The following NFE2L3 variants were observed in gnomAD, a reference collection of about 807,000 sequenced individuals.
The protein encoded by NFE2L3 is NFE2 like bZIP transcription factor 3, also known as nuclear factor erythroid 2-related factor 3.
NFE2L3 carries 18 observed loss-of-function variants against 23.5 expected under a neutral mutation model. The observed-to-expected ratio is 0.77, with a 90% CI of 0.53 to 1.13. The LOEUF is 1.13. NFE2L3 is among the 50% of genes most tolerant of loss of function. The pLI, the probability that NFE2L3 is intolerant of heterozygous loss-of-function variation, is 0.00. For synonymous variants in NFE2L3, 424 were observed against 354.5 expected (o/e 1.20, Z -2.20); for missense variants, 1,152 against 877.2 (o/e 1.31, Z -3.96).
Position 26,177,934 on chromosome 7 carries a change from C to CTT in NFE2L3, c.571-6_571-5dup. The CTT allele has an allele frequency of 6.2e-7, 1 of 1,605,034 alleles. No individual in the cohort carries two copies. Among genetic ancestry groups the CTT allele is most frequent in the South Asian group, 1.1e-5 (1 of 89,348 alleles). ...TTTGCTTATTTGATGAAATTTCGTA[C>CTT]TTTTATAGGAGAATGGGGTACTAAG... On this transcript the variant is annotated splice_polypyrimidine_tract_variant and intron_variant, in intron 1 of 3. Transcript: ENST00000056233.
At chr7:26,180,221 TGAG>T (rs1784482050) in intron 2 of NFE2L3, among the ~76,000 whole-genome samples, 1 of 152,170 alleles carries the variant, frequency 6.6e-6, no homozygotes, top group Non-Finnish European at 1.5e-5. Context: ...GTGGTCTCCT[TGAG>T]GCCCTTTTTG....
Position 26,152,749 on chromosome 7 carries a change from C to A in NFE2L3, c.251C>A (p.Ala84Asp). 1 of 1,471,844 alleles carries A rather than the reference C, an allele frequency of 6.8e-7. No individual in the cohort carries two copies. Among genetic ancestry groups the A allele is most frequent in the South Asian group, 1.3e-5 (1 of 76,196 alleles). 91.2% of individuals were successfully genotyped at this position (1,471,844 alleles called of 1,614,324 possible). A position where few individuals can be genotyped will look rare whatever the true frequency, so the allele number is the denominator to read the frequency against. ...CCCAAGGGCCGGGAGCTGGACCCTGCCGCGCCGCCCGAGGGCCAGCTGCTC... is the reference window on the plus strand; with the variant it reads ...CCCAAGGGCCGGGAGCTGGACCCTGACGCGCCGCCCGAGGGCCAGCTGCTC... ...LHPKGRELDPAAPPEGQLLRE... is the reference protein window; with the variant it reads ...LHPKGRELDPDAPPEGQLLRE... The change falls in exon 1 of 4, where the codon GCC becomes GAC. Residue 84 changes from alanine to aspartate, a missense_variant. By Grantham distance (126) the Ala-to-Asp change is moderately radical. Transcript: ENST00000056233. This position sits in a 1 kb window ranked among gnomAD's most constrained non-coding sequence, Gnocchi z 4.4.
At chr7:26,154,491 C>T (rs957518826) in intron 1 of NFE2L3, among the ~76,000 whole-genome samples, 1 of 152,186 alleles carries the variant, frequency 6.6e-6, no homozygotes, top group Admixed American at 6.5e-5. Context: ...CTGTTCAGTC[C>T]TCGGAAACTT....
At chr7:26,184,344 G>A (rs1252971666) in intron 3 of NFE2L3, 189 bp from the exon 4 acceptor site, 1 of 546,658 alleles carries the variant, frequency 1.8e-6, no homozygotes, top group African/African-American at 1.9e-5. Context: ...CAGAATTCCA[G>A]GTATTCTGAT....
chr7:26,180,525 T>G (rs1436339536), intron 2 of NFE2L3, among the ~76,000 whole-genome samples: 1 of 152,232 alleles, frequency 6.6e-6, no homozygotes, highest in African/African-American at 2.4e-5. Flanking sequence ...GAACCATATA[T>G]ATGTTGAAGA....
chr7:26,170,368 T>C lies in NFE2L3; in HGVS notation c.571-7575T>C, dbSNP rs1487549875. Among the ~76,000 whole-genome samples, 4 of 152,200 alleles carry C rather than the reference T, an allele frequency of 2.6e-5. 1 individual carries two copies. The highest frequency in any genetic ancestry group is 7.2e-5 in the African/African-American group (3 of 41,446). ...ATCTGTCCCCACCTCAGTCCAGAGT[T>C]GTGCCCCTACTATCTTCATATTCAC... On this transcript the variant is annotated intron_variant, in intron 1 of 3. Coordinates refer to ENST00000056233, the MANE Select transcript of NFE2L3 (RefSeq NM_004289.7).
chr7:26,177,588 C>T (rs1784436946), intron 1 of NFE2L3, among the ~76,000 whole-genome samples: 1 of 152,022 alleles, frequency 6.6e-6, no homozygotes, highest in Non-Finnish European at 1.5e-5. Flanking sequence ...TGGAGGGAGA[C>T]CGTCGAAAGG....
chr7:26,170,770 C>A (rs1481777956), intron 1 of NFE2L3, among the ~76,000 whole-genome samples: 1 of 152,188 alleles, frequency 6.6e-6, no homozygotes, highest in Admixed American at 6.5e-5. Flanking sequence ...AAAAGCACAT[C>A]AGAGAAGACC....
chr7:26,174,383 T>G (rs1384626087), intron 1 of NFE2L3: 1 of 152,142 alleles, frequency 6.6e-6, no homozygotes, highest in Non-Finnish European at 1.5e-5. Context: ...GAGGGGTTTT[T>G]AAAGGTGGGG....
In NFE2L3 at chr7:26,186,887, T is replaced by A; in HGVS notation, c.*1104T>A. On this transcript the variant is annotated 3_prime_UTR_variant, in exon 4 of 4. Transcript: ENST00000056233. ...GTTCACTAGAACAGTAAACAGGAGA[T>A]TGCTGAATTTTTTGAAGACAGCAAT... The A allele has an allele frequency of 6.6e-6, 1 of 152,178 alleles. No homozygotes were observed. The highest frequency in any genetic ancestry group is 1.9e-4 in the East Asian group (1 of 5,198). 9.4% of individuals were successfully genotyped at this position (152,178 alleles called of 1,614,324 possible). A position where few individuals can be genotyped will look rare whatever the true frequency, so the allele number is the denominator to read the frequency against.
intron 1 of NFE2L3, among the ~76,000 whole-genome samples, chr7:26,177,322 T>G (rs563075223): frequency 2.0e-5 from 3 of 152,208 alleles, no homozygotes; most frequent in Admixed American, 6.5e-5. Flanking sequence ...GAGCATTGAG[T>G]GAGCGAGACT....
intron 1 of NFE2L3, among the ~76,000 whole-genome samples, chr7:26,177,615 AG>A (rs1201988091): frequency 1.3e-5 from 2 of 151,652 alleles, no homozygotes; most frequent in Non-Finnish European, 2.9e-5. Context: ...GGAGGGAGGA[AG>A]GGAGGAAGGA....
intron 1 of NFE2L3, among the ~76,000 whole-genome samples, chr7:26,157,371 G>A (rs1211299943): frequency 6.6e-6 from 1 of 151,422 alleles, no homozygotes; most frequent in East Asian, 1.9e-4. Context: ...TAGAAATAAG[G>A]TCTCTCTGTG....
At position 26,184,638 on chromosome 7, in the gene NFE2L3, AATCTTCATGAGGCC is replaced by A; in HGVS notation, c.946_959del (p.His316AlafsTer8). The A allele has an allele frequency of 6.2e-7, 1 of 1,613,938 alleles. No homozygotes were observed. Among genetic ancestry groups the A allele is most frequent in the African/African-American group, 1.3e-5 (1 of 75,046 alleles). On this transcript the variant is annotated frameshift_variant, in exon 4 of 4. Coordinates refer to ENST00000056233, the MANE Select transcript of NFE2L3 (RefSeq NM_004289.7). LOFTEE classifies it low-confidence loss of function (END_TRUNC). Reference sequence around the variant, plus strand: ...CAGCCAGGCTATAAGTCAGGATGTGAATCTTCATGAGGCCATCTTGCTTTGTCCCAACAATACAT... The same window carrying A: ...CAGCCAGGCTATAAGTCAGGATGTGAATCTTGCTTTGTCCCAACAATACAT...
At chr7:26,180,695 G>A (rs550922543) in intron 2 of NFE2L3, among the ~76,000 whole-genome samples, 4 of 151,948 alleles carry the variant, frequency 2.6e-5, no homozygotes, top group Non-Finnish European at 5.9e-5. Context: ...AGAAAAGCAA[G>A]AACTGTAACA....
chr7:26,170,958 C>G (rs1382839490), intron 1 of NFE2L3, among the ~76,000 whole-genome samples: 1 of 152,112 alleles, frequency 6.6e-6, no homozygotes, highest in African/African-American at 2.4e-5. Flanking sequence ...ACTGGGGAAG[C>G]TGAGAGGTGA....
intron 1 of NFE2L3, among the ~76,000 whole-genome samples, chr7:26,157,882 G>C (rs914500901): frequency 2.6e-5 from 4 of 152,222 alleles, no homozygotes; most frequent in African/African-American, 9.6e-5. Flanking sequence ...GAGGGAGAAA[G>C]TGTTCTACAG....
At chr7:26,173,238 T>G (rs2128098976) in intron 1 of NFE2L3, among the ~76,000 whole-genome samples, 1 of 152,274 alleles carries the variant, frequency 6.6e-6, no homozygotes, top group African/African-American at 2.4e-5. Flanking sequence ...TGTTACCAAT[T>G]CATTACACTC....
chr7:26,152,761 A>C lies in NFE2L3; in HGVS notation c.263A>C (p.Glu88Ala). 1.4e-6 allele frequency: 2 copies of C among 1,477,046 alleles called. No homozygotes were observed. The allele number at this position is 1,477,046 out of a possible 1,614,324, so 91.5% of individuals were successfully genotyped here. The change falls in exon 1 of 4, where the codon GAG (glutamate) becomes GCG (alanine). Residue 88 changes from glutamate (E) to alanine (A), a missense_variant. Transcript: ENST00000056233. The surrounding 1 kb of genome is among the most constrained non-coding windows in gnomAD (Gnocchi z 4.4). ...GAGCTGGACCCTGCCGCGCCGCCCG[A>C]GGGCCAGCTGCTCCGGGAGGTGCGC... The part of the protein sequence containing the change: ...GRELDPAAPP[E>A]GQLLREVRAL...
Sources: gnomAD v4.1 joint callset for allele counts (sites outside exome capture counted in the v4.1 genomes callset) on GRCh38, gnomAD v4.1.1 for gene constraint, Gnocchi (gnomAD v3.1) non-coding constraint, MANE v1.5 for transcripts, NCBI Gene and HGNC (gene_info 2026-07-23, HGNC 2026-07-21) for gene names.